Variants in PPFIBP1 observed in about 807,000 individuals in gnomAD.
PPFIBP1 encodes liprin-beta-1.
In PPFIBP1, 112 loss-of-function variants were observed where a neutral mutation model predicts 137.8. That is an observed-to-expected ratio of 0.81 (90% CI 0.70 to 0.95). The LOEUF (loss-of-function observed/expected upper bound fraction) is 0.95. Ranked by LOEUF, PPFIBP1 falls within the 40% of genes least tolerant of loss-of-function variation. The pLI is 0.00. For synonymous variants in PPFIBP1, 378 were observed against 417.3 expected (o/e 0.91, Z 1.15); for missense variants, 1,083 against 1,196.6 (o/e 0.91, Z 1.40).
In PPFIBP1 at chr12:27,676,570, A is replaced by G. The variant is rs2060524200; in HGVS notation, c.1553A>G (p.Asn518Ser). Residue 518 changes from asparagine (N) to serine (S), a missense_variant, in exon 18 of 30, where the codon AAC becomes AGC. Coordinates refer to ENST00000228425, the MANE Select transcript of PPFIBP1 (RefSeq NM_003622.4). ...FGRGFFKIKS[N>S]KRTASAPNLD... ...CGGGGCTTTTTTAAAATCAAAAGTA[A>G]CAAGAGAACAGCAAGTGCACCAAAC... The G allele has an allele frequency of 6.3e-7, 1 of 1,598,662 alleles. No individual in the cohort carries two copies. The highest frequency in any genetic ancestry group is 8.5e-7 in the Non-Finnish European group (1 of 1,172,544).
Position 27,615,713 on chromosome 12 carries a change from A to G in PPFIBP1, c.-35-17649A>G, listed in dbSNP as rs552398867. ...TTGTTTGAGCAATATGCTCTGTAAC[A>G]TCTCATAACTCCCAGTGGTATCATT... is the stretch of plus-strand genomic sequence containing the variant. On this transcript the variant is annotated intron_variant, in intron 2 of 29. Transcript: ENST00000228425. Among the ~76,000 whole-genome samples the G allele has an allele frequency of 2.6e-5, 4 of 152,328 alleles. No individual in the cohort carries two copies. In the South Asian group the frequency reaches 8.3e-4, roughly 32 times the overall value.
At chr12:27,590,877 G>C (rs555321327) in intron 2 of PPFIBP1, among the ~76,000 whole-genome samples, 77 of 152,300 alleles carry the variant, frequency 5.1e-4, no homozygotes, top group Non-Finnish European at 9.8e-4. Flanking sequence ...GACATGCCAA[G>C]TTTGGGTAGG....
chr12:27,628,877 C>T (rs2057056305), intron 2 of PPFIBP1, among the ~76,000 whole-genome samples: 1 of 152,204 alleles, frequency 6.6e-6, no homozygotes, highest in Admixed American at 6.5e-5. Flanking sequence ...CAAGTTACCA[C>T]TCTGAGTAGA....
intron 1 of PPFIBP1, among the ~76,000 whole-genome samples, chr12:27,559,413 C>T (rs1275851058): frequency 6.6e-6 from 1 of 152,040 alleles, no homozygotes; most frequent in African/African-American, 2.4e-5. Context: ...GTGATCCATC[C>T]ACCTCGGCCT....
At chr12:27,535,946 G>A (rs575650270) in intron 1 of PPFIBP1, among the ~76,000 whole-genome samples, 202 of 152,246 alleles carry the variant, frequency 1.3e-3, no homozygotes, top group African/African-American at 4.4e-3. Flanking sequence ...CTTTTGTGCC[G>A]TCATTTTCAG....
rs1387857382 is a variant in PPFIBP1, at chr12:27,687,373, T to C, written c.2248-12T>C. 3.1e-6 allele frequency: 5 copies of C among 1,612,688 alleles called. No individual in the cohort carries two copies. Among genetic ancestry groups the C allele is most frequent in the Non-Finnish European group, 4.2e-6 (5 of 1,179,168 alleles). The stretch of plus-strand genomic sequence containing the variant: ...CAGCACAGTGAGCTCCTCCTTTTGT[T>C]CTTTTTTGCAGGATGACTTACTGTC... On this transcript the variant is annotated splice_polypyrimidine_tract_variant and intron_variant, in intron 24 of 29. Transcript: ENST00000228425.
At chr12:27,533,930 G>A (rs1018278227) in intron 1 of PPFIBP1, among the ~76,000 whole-genome samples, 7 of 126,056 alleles carry the variant, frequency 5.6e-5, no homozygotes, top group Admixed American at 1.7e-4. Flanking sequence ...CAACAGACTC[G>A]TTACAAAGCT....
chr12:27,528,462 A>G (rs1944028682), intron 1 of PPFIBP1, among the ~76,000 whole-genome samples: 1 of 152,228 alleles, frequency 6.6e-6, no homozygotes, highest in Non-Finnish European at 1.5e-5. Flanking sequence ...CTAGTAAAAA[A>G]CAAAACAAAA....
At chr12:27,557,514 T>C (rs541551473) in intron 1 of PPFIBP1, among the ~76,000 whole-genome samples, 1 of 152,230 alleles carries the variant, frequency 6.6e-6, no homozygotes, top group Admixed American at 6.5e-5. Flanking sequence ...ATTACAGGCA[T>C]GAGCCACCAC....
intron 1 of PPFIBP1, among the ~76,000 whole-genome samples, chr12:27,556,420 A>G (rs1475334923): frequency 3.3e-5 from 5 of 152,364 alleles, no homozygotes; most frequent in African/African-American, 9.6e-5. Context: ...AGGAGCTATC[A>G]TGGTAATACC....
At position 27,664,448 on chromosome 12, in the gene PPFIBP1, T is replaced by TA; in HGVS notation, c.991+3dup. 1 of 1,603,302 alleles carries TA rather than the reference T, an allele frequency of 6.2e-7. No homozygotes were observed. Among genetic ancestry groups the TA allele is most frequent in the Non-Finnish European group, 8.5e-7 (1 of 1,173,844 alleles). ...TGGTACTGGCCCAAGGTAAAAAAGG[T>TA]AGAGTGTAGCTCTAAAAGTTTTTCT... On this transcript the variant is annotated splice_region_variant and intron_variant, in intron 12 of 29. Coordinates refer to ENST00000228425, the MANE Select transcript of PPFIBP1 (RefSeq NM_003622.4).
At chr12:27,649,783 C>A (rs577254855) in intron 6 of PPFIBP1, among the ~76,000 whole-genome samples, 1 of 152,214 alleles carries the variant, frequency 6.6e-6, no homozygotes, top group South Asian at 2.1e-4. Flanking sequence ...AATTCCTGAC[C>A]TCAAGCGATC....
At chr12:27,552,110 C>T (rs1369980079) in intron 1 of PPFIBP1, among the ~76,000 whole-genome samples, 4 of 152,196 alleles carry the variant, frequency 2.6e-5, no homozygotes, top group African/African-American at 7.2e-5. Flanking sequence ...TCTCACACAG[C>T]GTTTGTTCTG....
rs1318999593 is a variant in PPFIBP1, at chr12:27,635,061, C to T, written c.216C>T (p.Cys72=). The T allele has an allele frequency of 6.2e-7, 1 of 1,614,042 alleles. No homozygotes were observed. Among genetic ancestry groups the T allele is most frequent in the African/African-American group, 1.3e-5 (1 of 74,926 alleles). Residue 72 remains cysteine (C), a synonymous_variant, in exon 4 of 30, where the codon TGC becomes TGT. Transcript: ENST00000228425. ...CAGATGAGAAAGAAGGCTTGAGATG[C>T]CAGATCCCAGATTCAACAGCAGAAA... ...METDEKEGLR[C]QIPDSTAETL...
chr12:27,540,799 A>G (rs1047005826), intron 1 of PPFIBP1, among the ~76,000 whole-genome samples: 3 of 152,218 alleles, frequency 2.0e-5, no homozygotes, highest in Admixed American at 1.3e-4. Context: ...ATTGAGCTAA[A>G]TCATGTTCAT....
chr12:27,537,107 C>G (rs1306459669), intron 1 of PPFIBP1, among the ~76,000 whole-genome samples: 2 of 151,980 alleles, frequency 1.3e-5, no homozygotes, highest in Non-Finnish European at 2.9e-5. Flanking sequence ...TTGTCTCCTA[C>G]TGGAGCCCTG....
chr12:27,676,407 C>A (rs776873341), intron 17 of PPFIBP1, 21 bp from the exon 18 acceptor site: 1 of 1,458,400 alleles, frequency 6.9e-7, no homozygotes, highest in African/African-American at 1.4e-5. Context: ...AGCTGTTTCA[C>A]TATTCTTATT....
At chr12:27,658,522 T>C (rs1372821652) in intron 9 of PPFIBP1, among the ~76,000 whole-genome samples, 3 of 152,114 alleles carry the variant, frequency 2.0e-5, no homozygotes, top group Non-Finnish European at 4.4e-5. Context: ...TCATTTATGG[T>C]ATAAGAAGTG....
chr12:27,652,109 A>ATG (rs1289672285), intron 7 of PPFIBP1, among the ~76,000 whole-genome samples: 5 of 152,178 alleles, frequency 3.3e-5, no homozygotes, highest in Non-Finnish European at 7.3e-5. Flanking sequence ...GAATATTCTC[A>ATG]TGTTCTTGTT....
Sources: allele counts gnomAD v4.1 joint callset (sites outside exome capture counted in the v4.1 genomes callset), GRCh38; gene constraint gnomAD v4.1.1; transcripts MANE v1.5; gene names NCBI Gene and HGNC (gene_info 2026-07-23, HGNC 2026-07-21).